Variants in ERBIN observed in about 807,000 individuals in gnomAD.
ERBIN encodes erbb2 interacting protein.
A neutral mutation model predicts 158.4 loss-of-function variants in ERBIN; 60 were observed. That is an observed-to-expected ratio of 0.38 (90% CI 0.31 to 0.47). ERBIN has a LOEUF of 0.47. Among genes scored for constraint, ERBIN ranks in the 20% least tolerant of loss-of-function variants. The pLI, the probability that ERBIN is intolerant of heterozygous loss-of-function variation, is 0.99. For missense variants in ERBIN, 1,610 were observed against 1,648.0 expected, an observed-to-expected ratio of 0.98 and a Z score of 0.40; for synonymous variants, 594 against 557.2, an observed-to-expected ratio of 1.07 and a Z score of -0.93.
At chr5:66,000,612 C>A (rs1752926908) in intron 4 of ERBIN, among the ~76,000 whole-genome samples, 1 of 152,102 alleles carries the variant, frequency 6.6e-6, no homozygotes, top group South Asian at 2.1e-4. Context: ...TTATTGCTGC[C>A]AATAAGTCTT....
chr5:65,929,061 C>T (rs1189716209), intron 1 of ERBIN, among the ~76,000 whole-genome samples: 1 of 152,220 alleles, frequency 6.6e-6, no homozygotes, highest in Non-Finnish European at 1.5e-5. Context: ...AGTACTGTTA[C>T]GAGGTCTCCT....
At position 66,002,051 on chromosome 5, in the gene ERBIN, A is replaced by G. The variant is rs1189444946; in HGVS notation, c.307+7187A>G. On this transcript the variant is annotated intron_variant, in intron 4 of 25. Coordinates refer to ENST00000284037, the MANE Select transcript of ERBIN (RefSeq NM_001253697.2). ...GATTGTTCAACTCCCACTTATGAGCAAGAACATGCGGCGTTTGATTTTCTG... is the reference window on the plus strand; with the variant it reads ...GATTGTTCAACTCCCACTTATGAGCGAGAACATGCGGCGTTTGATTTTCTG... Among the ~76,000 whole-genome samples the G allele has an allele frequency of 2.6e-5, 4 of 152,080 alleles. No individual in the cohort carries two copies. The East Asian group carries it at 7.7e-4, about 29-fold the overall frequency.
intron 5 of ERBIN, among the ~76,000 whole-genome samples, chr5:66,012,794 G>A (rs1048431527): frequency 6.6e-6 from 1 of 152,154 alleles, no homozygotes; most frequent in Non-Finnish European, 1.5e-5. Flanking sequence ...ATCTTTACTT[G>A]TTTCATAATC....
At chr5:66,016,792 T>A (rs1330140324) in intron 7 of ERBIN, among the ~76,000 whole-genome samples, 1 of 152,094 alleles carries the variant, frequency 6.6e-6, no homozygotes, top group Non-Finnish European at 1.5e-5. Context: ...TTTTTGTATT[T>A]TTAGTAGAGA....
intron 14 of ERBIN, among the ~76,000 whole-genome samples, chr5:66,033,092 C>G (rs775081134): frequency 3.3e-5 from 5 of 152,134 alleles, no homozygotes; most frequent in African/African-American, 1.2e-4. Context: ...CTTGGTTTCT[C>G]TATTTAAAAA....
At chr5:66,068,396 CAGTT>C (rs1397553588) in intron 21 of ERBIN, among the ~76,000 whole-genome samples, 3 of 151,740 alleles carry the variant, frequency 2.0e-5, no homozygotes, top group Non-Finnish European at 4.4e-5. Context: ...TTTAAACACT[CAGTT>C]TGTTTAATAT....
intron 7 of ERBIN, among the ~76,000 whole-genome samples, chr5:66,016,881 C>T (rs1354181504): frequency 6.6e-6 from 1 of 152,116 alleles, no homozygotes; most frequent in African/African-American, 2.4e-5. Flanking sequence ...TCCCAGAGTG[C>T]TGGGATTACA....
In ERBIN at chr5:66,046,366, C is replaced by A; in HGVS notation, c.1616C>A (p.Thr539Asn). 2 of 1,571,472 alleles carry A rather than the reference C, an allele frequency of 1.3e-6. No homozygotes were observed. The highest frequency in any genetic ancestry group is 1.7e-6 in the Non-Finnish European group (2 of 1,151,970). ...TCTTTTACTTAGACCTCAGAAAGTA[C>A]TACTACAGTAAAAAGCAAAGTTGAT... The part of the protein sequence containing the change: ...KDVGVKTSES[T>N]TTVKSKVDER... Residue 539 changes from threonine (T) to asparagine (N), a missense_variant, in exon 18 of 26, where the codon ACT (threonine) becomes AAT (asparagine). Transcript: ENST00000284037.
At chr5:65,958,338 C>T (rs1447261068) in intron 1 of ERBIN, among the ~76,000 whole-genome samples, 1 of 152,164 alleles carries the variant, frequency 6.6e-6, no homozygotes, top group East Asian at 1.9e-4. Flanking sequence ...ACATTGAGCA[C>T]TGAGTGAACG....
rs1246708373 is a variant in ERBIN, at chr5:66,053,415, T to G, written c.2097T>G (p.Asp699Glu). 1.2e-5 allele frequency: 17 copies of G among 1,456,762 alleles called. No individual in the cohort carries two copies. Among genetic ancestry groups the G allele is most frequent in the Non-Finnish European group, 1.4e-5 (15 of 1,102,212 alleles). 90.2% of individuals were successfully genotyped at this position (1,456,762 alleles called of 1,614,324 possible). ...IDINSKIRQE[D>E]ENFNSLLQNG... The stretch of plus-strand genomic sequence containing the variant: ...ATTATCTTTATTTTAGGCAAGAAGA[T>G]GAAAATTTTAACAGCCTTTTACAAA... The change falls in exon 21 of 26, where the codon GAT (aspartate) becomes GAG (glutamate). Residue 699 changes from aspartate to glutamate, a missense_variant. Around this residue, in one of 2 missense-constraint regions of ERBIN, gnomAD observed 1,014 missense variants for 936.1 expected, o/e 1.08. Coordinates refer to ENST00000284037, the MANE Select transcript of ERBIN (RefSeq NM_001253697.2).
chr5:66,057,015 G>A (rs1759654165), intron 21 of ERBIN, among the ~76,000 whole-genome samples: 1 of 152,168 alleles, frequency 6.6e-6, no homozygotes, highest in Non-Finnish European at 1.5e-5. Flanking sequence ...TCACATGTGA[G>A]ACTGCTTTTA....
At chr5:66,014,337 T>G (rs761189659) in intron 6 of ERBIN, among the ~76,000 whole-genome samples, 5 of 152,180 alleles carry the variant, frequency 3.3e-5, no homozygotes, top group Non-Finnish European at 7.4e-5. Context: ...ACTTTAGAGT[T>G]GCATTATTGT....
At chr5:66,072,459 T>G (rs541361291) in intron 22 of ERBIN, among the ~76,000 whole-genome samples, 168 bp downstream of exon 22, 1 of 152,356 alleles carries the variant, frequency 6.6e-6, no homozygotes, top group African/African-American at 2.4e-5. Flanking sequence ...AATTTGACCC[T>G]GTCTACTATT....
At chr5:65,959,117 A>G (rs915616928) in intron 1 of ERBIN, among the ~76,000 whole-genome samples, 3 of 152,218 alleles carry the variant, frequency 2.0e-5, no homozygotes, top group Non-Finnish European at 4.4e-5. Context: ...CATTTATACT[A>G]TTATATGCTT....
At chr5:65,962,065 T>G (rs1303724824) in intron 1 of ERBIN, among the ~76,000 whole-genome samples, 1 of 152,060 alleles carries the variant, frequency 6.6e-6, no homozygotes, top group African/African-American at 2.4e-5. Context: ...AGTGCTTGAC[T>G]ATGTCGCATT....
chr5:66,010,052 A>G (rs1045800951), intron 4 of ERBIN, among the ~76,000 whole-genome samples: 1 of 152,102 alleles, frequency 6.6e-6, no homozygotes, highest in African/African-American at 2.4e-5. Context: ...CTTACCAGCA[A>G]TGTGTATAGT....
At chr5:66,024,224 C>A in intron 9 of ERBIN, 82 bp from the exon 10 acceptor site, 8 of 944,048 alleles carry the variant, frequency 8.5e-6, no homozygotes, top group Non-Finnish European at 1.2e-5. Context: ...TGAATTAAAA[C>A]TTGGTATCAA....
chr5:65,946,444 C>G (rs924410347), intron 1 of ERBIN, among the ~76,000 whole-genome samples: 1 of 152,100 alleles, frequency 6.6e-6, no homozygotes, highest in African/African-American at 2.4e-5. Flanking sequence ...TTGGAAGATT[C>G]CAGAGTTGTT....
At chr5:65,951,219 A>G (rs1421009094) in intron 1 of ERBIN, among the ~76,000 whole-genome samples, 1 of 152,066 alleles carries the variant, frequency 6.6e-6, no homozygotes, top group Non-Finnish European at 1.5e-5. Context: ...TATTTTTCAC[A>G]TCTTTTTCCC....
Sources: allele counts gnomAD v4.1 joint callset (sites outside exome capture counted in the v4.1 genomes callset), GRCh38; gene constraint gnomAD v4.1.1; regional missense constraint gnomAD v4.1.1; transcripts MANE v1.5; gene names NCBI Gene and HGNC (gene_info 2026-07-23, HGNC 2026-07-21).